LRP1B: variants seen among roughly 807,000 people sequenced by gnomAD.
LRP1B encodes LDL receptor related protein 1B, also known as low-density lipoprotein receptor-related protein 1B.
In LRP1B, 217 loss-of-function variants were observed where a neutral mutation model predicts 556.6. That is an observed-to-expected ratio of 0.39 (90% confidence interval 0.35 to 0.44). The LOEUF (loss-of-function observed/expected upper bound fraction) is 0.44, where lower values mean the gene tolerates loss of function less well. LRP1B is among the 20% of genes least tolerant of loss of function. The pLI is 1.00. For missense variants in LRP1B, 5,053 were observed against 5,620.8 expected (o/e 0.90, Z 3.23); for synonymous variants, 2,047 against 1,865.8 (o/e 1.10, Z -2.50).
At chr2:142,103,350 A>G (rs74866760) in intron 1 of LRP1B, among the ~76,000 whole-genome samples, 6,537 of 151,990 alleles carry the variant, frequency 0.043, 228 homozygotes, top group Non-Finnish European at 0.058. Flanking sequence ...TGTTAACTCA[A>G]TGTATATATA....
chr2:141,263,277 A>G (rs1468827787), intron 3 of LRP1B, among the ~76,000 whole-genome samples: 1 of 152,078 alleles, frequency 6.6e-6, no homozygotes. Context: ...AACACATTAC[A>G]AATATCAAAT....
chr2:140,970,210 C>A (rs1010072404), intron 18 of LRP1B, among the ~76,000 whole-genome samples: 1 of 152,150 alleles, frequency 6.6e-6, no homozygotes, highest in Non-Finnish European at 1.5e-5. Flanking sequence ...TTCTTGGAAG[C>A]TTTGTTCATT....
chr2:140,301,876 CATGT>C (rs1683842830), intron 83 of LRP1B, among the ~76,000 whole-genome samples: 1 of 151,546 alleles, frequency 6.6e-6, no homozygotes, highest in Non-Finnish European at 1.5e-5. Context: ...CAATAGTGTG[CATGT>C]ATGTGTATGT....
chr2:141,712,784 C>T (rs2105481061), intron 2 of LRP1B, among the ~76,000 whole-genome samples: 1 of 151,912 alleles, frequency 6.6e-6, no homozygotes, highest in South Asian at 2.1e-4. Flanking sequence ...AATCTCCTGC[C>T]TCAGCCTCCC....
chr2:140,361,463 G>A (rs1362419355), intron 72 of LRP1B, among the ~76,000 whole-genome samples: 8 of 146,322 alleles, frequency 5.5e-5, no homozygotes, highest in Admixed American at 1.4e-4. Flanking sequence ...TCTACATGTA[G>A]TCTGTCAACT....
In LRP1B at chr2:141,480,498, G is replaced by A. The variant is rs2105090230; in HGVS notation, c.241C>T (p.His81Tyr). Residue 81 changes from histidine to tyrosine, a missense_variant, in exon 3 of 91, where the codon CAC (histidine) becomes TAC (tyrosine). His to Tyr is a moderately conservative substitution (Grantham distance 83, BLOSUM62 2). Coordinates refer to ENST00000389484, the MANE Select transcript of LRP1B (RefSeq NM_018557.3). ...EEVEIKCPLN[H>Y]IACLGTNKCV... is the part of the protein sequence containing the mutation. ...TTGTTGGTACCAAGGCAAGCAATGTGATTCAAGGGGCACTTGATTTCTACC... is the reference window on the plus strand; with the variant it reads ...TTGTTGGTACCAAGGCAAGCAATGTAATTCAAGGGGCACTTGATTTCTACC... 6.2e-7 allele frequency: 1 copy of A among 1,613,984 alleles called. No homozygotes were observed. Among genetic ancestry groups the A allele is most frequent in the Non-Finnish European group, 8.5e-7 (1 of 1,179,922 alleles).
At chr2:140,962,940 C>A (rs1385704276) in intron 18 of LRP1B, among the ~76,000 whole-genome samples, 1 of 152,098 alleles carries the variant, frequency 6.6e-6, no homozygotes, top group African/African-American at 2.4e-5. Context: ...AGAGGAGTCA[C>A]TGTTGTAGGA....
chr2:141,425,657 T>C (rs879627672), intron 3 of LRP1B, among the ~76,000 whole-genome samples: 7 of 150,960 alleles, frequency 4.6e-5, no homozygotes, highest in Non-Finnish European at 8.9e-5. Flanking sequence ...GATTTGCATT[T>C]CTCTGATGGC....
chr2:141,709,059 C>A (rs139635970), intron 2 of LRP1B, among the ~76,000 whole-genome samples: 1 of 152,012 alleles, frequency 6.6e-6, no homozygotes, highest in Non-Finnish European at 1.5e-5. Flanking sequence ...TAAAAAATGA[C>A]CCCTTTTGGG....
chr2:141,361,754 C>A (rs16845934), intron 3 of LRP1B, among the ~76,000 whole-genome samples: 9,497 of 152,204 alleles, frequency 0.062, 408 homozygotes, highest in African/African-American at 0.11. Flanking sequence ...TGAAGAAGAA[C>A]GCTGTTCAGT....
At position 141,143,947 on chromosome 2, in the gene LRP1B, CTCTT is replaced by C. The variant is rs886361685; in HGVS notation, c.1013+44470_1013+44473del. On this transcript the variant is annotated intron_variant, in intron 7 of 90. Transcript: ENST00000389484. ...TAAACAGAACCAGGTCTTTTGCCTT[CTCTT>C]TCTAACAGATTACACTGACTTAATG... Among the ~76,000 whole-genome samples the C allele has an allele frequency of 2.5e-4, 38 of 151,844 alleles. 1 individual carries two copies. Among genetic ancestry groups the C allele is most frequent in the African/African-American group, 2.4e-5 (1 of 41,336 alleles).
At chr2:140,498,810 A>G (rs955305937) in intron 55 of LRP1B, among the ~76,000 whole-genome samples, 1 of 151,918 alleles carries the variant, frequency 6.6e-6, no homozygotes, top group Non-Finnish European at 1.5e-5. Flanking sequence ...ATGTATATAC[A>G]TATACATAAA....
chr2:140,461,352 G>A (rs573248667), intron 60 of LRP1B, among the ~76,000 whole-genome samples: 2 of 151,904 alleles, frequency 1.3e-5, no homozygotes, highest in Non-Finnish European at 2.9e-5. Flanking sequence ...TAATGTTATG[G>A]GAGGATACAG....
At position 141,665,621 on chromosome 2, in the gene LRP1B, T is replaced by C. The variant is rs531713831; in HGVS notation, c.205+144658A>G. Among the ~76,000 whole-genome samples the C allele has an allele frequency of 1.0e-3, 157 of 152,278 alleles. 1 individual carries two copies. The highest frequency in any genetic ancestry group is 1.5e-3 in the Non-Finnish European group (105 of 68,014). On this transcript the variant is annotated intron_variant, in intron 2 of 90. Transcript: ENST00000389484. ...TAAATCATTCTGTTTTAAAGATACATGCATTCATATGTTCATTGTAGCACT... is the reference window on the plus strand; with the variant it reads ...TAAATCATTCTGTTTTAAAGATACACGCATTCATATGTTCATTGTAGCACT...
chr2:141,977,854 A>G (rs1285794751), intron 1 of LRP1B, among the ~76,000 whole-genome samples: 2 of 152,180 alleles, frequency 1.3e-5, no homozygotes, highest in Admixed American at 6.6e-5. Context: ...CATTGTTTCT[A>G]TTCTCTGTGG....
At chr2:140,545,757 A>G (rs1209559176) in intron 43 of LRP1B, among the ~76,000 whole-genome samples, 3 of 152,080 alleles carry the variant, frequency 2.0e-5, no homozygotes, top group Non-Finnish European at 1.5e-5. Flanking sequence ...TTTTGGTTTC[A>G]TATGAATTTT....
intron 3 of LRP1B, among the ~76,000 whole-genome samples, chr2:141,377,511 C>T (rs377053439): frequency 2.0e-5 from 3 of 152,128 alleles, no homozygotes; most frequent in East Asian, 3.9e-4. Flanking sequence ...ATTTCCTCCC[C>T]AATTTTTTAG....
intron 77 of LRP1B, among the ~76,000 whole-genome samples, chr2:140,342,942 A>G (rs911458319): frequency 6.6e-6 from 1 of 151,682 alleles, no homozygotes; most frequent in Non-Finnish European, 1.5e-5. Flanking sequence ...ATCTGACTAC[A>G]TAAGAAGTAA....
chr2:141,613,183 T>G (rs952452263), intron 2 of LRP1B, among the ~76,000 whole-genome samples: 1 of 152,106 alleles, frequency 6.6e-6, no homozygotes, highest in Non-Finnish European at 1.5e-5. Context: ...CTGTTAAATT[T>G]CTTGGCTTTT....
Sources: gnomAD v4.1 joint callset for allele counts (sites outside exome capture counted in the v4.1 genomes callset) on GRCh38, gnomAD v4.1.1 for gene constraint, MANE v1.5 for transcripts, NCBI Gene and HGNC (gene_info 2026-07-23, HGNC 2026-07-21) for gene names.